Variants in CRELD2 observed in about 807,000 individuals in gnomAD.
CRELD2 encodes the protein CRELD disulfide isomerase 2.
CRELD2 carries 33 observed loss-of-function variants against 48.1 expected under a neutral mutation model. The ratio of observed to expected loss-of-function variants is 0.69; its 90% confidence interval spans 0.52 to 0.92. The LOEUF (loss-of-function observed/expected upper bound fraction) is 0.92, where lower values mean the gene tolerates loss of function less well. Among genes scored for constraint, CRELD2 ranks in the 40% least tolerant of loss-of-function variants. The pLI is 0.00. For synonymous variants in CRELD2, 220 were observed against 203.9 expected (o/e 1.08, Z -0.67); for missense variants, 477 against 482.4 (o/e 0.99, Z 0.10).
Position 49,920,252 on chromosome 22 carries a change from G to C in CRELD2, c.415+5G>C, listed in dbSNP as rs372572017. The C allele has an allele frequency of 6.3e-7, 1 of 1,595,568 alleles. No homozygotes were observed. Among genetic ancestry groups the C allele is most frequent in the Admixed American group, 1.7e-5 (1 of 59,440 alleles). On this transcript the variant is annotated splice_donor_5th_base_variant and intron_variant, in intron 4 of 9. Coordinates refer to ENST00000328268, the MANE Select transcript of CRELD2 (RefSeq NM_024324.5). The stretch of plus-strand genomic sequence containing the variant: ...CCTACGGTCCCGACTGTCTCGGTGC[G>C]TTTCTCCTCAGGGAAATCCCATCTC...
intron 5 of CRELD2, 62 bp from the exon 6 acceptor site, chr22:49,922,550 C>T: frequency 6.7e-7 from 1 of 1,483,900 alleles, no homozygotes; most frequent in Non-Finnish European, 9.1e-7. Flanking sequence ...TTTAAACGAG[C>T]CTTGTCCCCA....
At position 49,923,221 on chromosome 22, in the gene CRELD2, C is replaced by T. The variant is rs747457422; in HGVS notation, c.689-13C>T. 12 of 1,559,828 alleles carry T rather than the reference C, an allele frequency of 7.7e-6. No homozygotes were observed. Among genetic ancestry groups the T allele is most frequent in the South Asian group, 1.2e-5 (1 of 80,720 alleles). On this transcript the variant is annotated splice_polypyrimidine_tract_variant and intron_variant, in intron 6 of 9. Transcript: ENST00000328268. ...TGTCCTGGGCCGCTCACAGCTGTGCCGCTCTGTTCCAGATGTGGACGAGTG... is the reference window on the plus strand; with the variant it reads ...TGTCCTGGGCCGCTCACAGCTGTGCTGCTCTGTTCCAGATGTGGACGAGTG...
Position 49,921,566 on chromosome 22 carries a change from G to C in CRELD2, c.416-19G>C. 6.2e-7 allele frequency: 1 copy of C among 1,608,502 alleles called. No individual in the cohort carries two copies. The highest frequency in any genetic ancestry group is 8.5e-7 in the Non-Finnish European group (1 of 1,177,146). On this transcript the variant is annotated intron_variant, in intron 4 of 9. Coordinates refer to ENST00000328268, the MANE Select transcript of CRELD2 (RefSeq NM_024324.5). ...TCACCACCAGGTGTGCTCTGAGCATGGTTTTGTGTCCCCTAAAGCATGCCA... is the reference window on the plus strand; with the variant it reads ...TCACCACCAGGTGTGCTCTGAGCATCGTTTTGTGTCCCCTAAAGCATGCCA...
At chr22:49,918,993 C>A in intron 1 of CRELD2, 95 bp downstream of exon 1, 1 of 1,107,730 alleles carries the variant, frequency 9.0e-7, no homozygotes, top group Non-Finnish European at 1.2e-6. Flanking sequence ...GGGTCGCCCT[C>A]ACCCTGGATC....
intron 1 of CRELD2, 139 bp downstream of exon 1, chr22:49,919,037 C>G: frequency 1.1e-6 from 1 of 872,396 alleles, no homozygotes; most frequent in Non-Finnish European, 1.7e-6. Flanking sequence ...CGGGATCCCC[C>G]TCACCGTCGA....
intron 6 of CRELD2, among the ~76,000 whole-genome samples, chr22:49,922,909 A>G (rs1371531554): frequency 0.17 from 3,374 of 20,236 alleles, 466 homozygotes; most frequent in African/African-American, 0.45. Context: ...GTGGGGCGTG[A>G]GGTGTGGGGG....
intron 9 of CRELD2, 70 bp from the exon 10 acceptor site, chr22:49,927,184 GT>G (rs2060776987): frequency 1.5e-6 from 2 of 1,378,998 alleles, no homozygotes; most frequent in Admixed American, 3.4e-5. Context: ...ATGCGCTGCT[GT>G]CCTGGGAAAG....
At chr22:49,923,178 C>T in intron 6 of CRELD2, 56 bp from the exon 7 acceptor site, 1 of 1,409,792 alleles carries the variant, frequency 7.1e-7, no homozygotes, top group South Asian at 1.4e-5. Flanking sequence ...TCGGTCCTTC[C>T]CCGCTCCCTG....
At chr22:49,925,883 CCGG>C in intron 9 of CRELD2, 1 of 541,258 alleles carries the variant, frequency 1.8e-6, no homozygotes, top group Non-Finnish European at 2.7e-6. Context: ...GAAAAGTCAT[CCGG>C]GGAAGCTGCC....
At chr22:49,923,771 T>C (rs2060728551) in intron 7 of CRELD2, 1 of 280,660 alleles carries the variant, frequency 3.6e-6, no homozygotes, top group Admixed American at 5.1e-5. Context: ...ACTTATAAAC[T>C]GTGAACACTT....
Position 49,927,358 on chromosome 22 carries a change from G to GTGGC in CRELD2, c.*52_*55dup. ...TTCAGAAGGATGTCCCGTGGAAAAT[G>GTGGC]TGGCCCTGAGGATGCCGTCTCCTGC... On this transcript the variant is annotated 3_prime_UTR_variant, in exon 10 of 10. Coordinates refer to ENST00000328268, the MANE Select transcript of CRELD2 (RefSeq NM_024324.5). The GTGGC allele has an allele frequency of 6.5e-7, 1 of 1,530,532 alleles. No homozygotes were observed. The highest frequency in any genetic ancestry group is 1.1e-5 in the South Asian group (1 of 89,208). 94.8% of individuals were successfully genotyped at this position (1,530,532 alleles called of 1,614,324 possible). A position where few individuals can be genotyped will look rare whatever the true frequency, so the allele number is the denominator to read the frequency against.
At chr22:49,927,067 G>A (rs1001651023) in intron 9 of CRELD2, among the ~76,000 whole-genome samples, 188 bp from the exon 10 acceptor site, 14 of 150,452 alleles carry the variant, frequency 9.3e-5, no homozygotes, top group South Asian at 2.1e-4. Flanking sequence ...CTGAAATGCC[G>A]TCTGCCTCAT....
Position 49,918,757 on chromosome 22 carries a change from A to C in CRELD2, c.-13A>C. ...TGGAGCTCCGGCTGCGTCTTCCCGCAGCGCTACCCGCCATGCGCCTGCCGC... is the reference window on the plus strand; with the variant it reads ...TGGAGCTCCGGCTGCGTCTTCCCGCCGCGCTACCCGCCATGCGCCTGCCGC... On this transcript the variant is annotated 5_prime_UTR_variant, in exon 1 of 10. Coordinates refer to ENST00000328268, the MANE Select transcript of CRELD2 (RefSeq NM_024324.5). 7.4e-6 allele frequency: 8 copies of C among 1,075,210 alleles called. No homozygotes were observed. Among genetic ancestry groups the C allele is most frequent in the Non-Finnish European group, 8.4e-6 (7 of 831,102 alleles). The allele number at this position is 1,075,210 out of a possible 1,614,324, so 66.6% of individuals were successfully genotyped here. A position where few individuals can be genotyped will look rare whatever the true frequency, so the allele number is the denominator to read the frequency against.
At chr22:49,919,435 G>C in intron 2 of CRELD2, 123 bp downstream of exon 2, 2 of 869,906 alleles carry the variant, frequency 2.3e-6, no homozygotes, top group Admixed American at 4.3e-5. Context: ...CCAGTCACCC[G>C]TCCGAGTCAC....
At position 49,925,538 on chromosome 22, in the gene CRELD2, T is replaced by C. The variant is rs749861962; in HGVS notation, c.990T>C (p.Cys330=). The C allele has an allele frequency of 6.2e-7, 1 of 1,613,814 alleles. No individual in the cohort carries two copies. The highest frequency in any genetic ancestry group is 1.1e-5 in the South Asian group (1 of 91,088). ...GCTTCGAAGAAACGGAAGATGCCTG[T>C]GTGCCGCCGGCAGAGGCTGGTGAGT... ...PDGFEETEDA[C]VPPAEAEATE... Residue 330 remains cysteine (C), a synonymous_variant, in exon 9 of 10, where the codon TGT becomes TGC. Transcript: ENST00000328268.
intron 7 of CRELD2, 104 bp from the exon 8 acceptor site, chr22:49,924,256 A>G (rs2060733944): frequency 2.7e-6 from 2 of 732,000 alleles, no homozygotes; most frequent in South Asian, 3.5e-5. Context: ...ATGAATGAGG[A>G]GAAAACCCAA....
At position 49,926,742 on chromosome 22, in the gene CRELD2, C is replaced by T. The variant is rs868554070; in HGVS notation, c.1010-513C>T. Among the ~76,000 whole-genome samples, 7 of 2,398 alleles carry T rather than the reference C, an allele frequency of 2.9e-3. 2 individuals are homozygous for T. The highest frequency in any genetic ancestry group is 9.3e-3 in the Admixed American group (3 of 322). 1.6% of individuals were successfully genotyped at this position (2,398 alleles called of 152,430 possible). ...CTCTTGCCCCTCCCTCCCCCCACCC[C>T]GGGTCCCCTCTTGCCCCTCCCTCCC... On this transcript the variant is annotated intron_variant, in intron 9 of 9. Transcript: ENST00000328268.
rs200857048 is a variant in CRELD2 at position 49,922,368 on chromosome 22, G to A, written c.593-244G>A. The A allele has an allele frequency of 3.7e-5, 59 of 1,610,962 alleles. No individual in the cohort carries two copies. In the Middle Eastern group the frequency reaches 6.6e-4, roughly 18 times the overall value. On this transcript the variant is annotated intron_variant, in intron 5 of 9. Coordinates refer to ENST00000328268, the MANE Select transcript of CRELD2 (RefSeq NM_024324.5). ...TGGATGTTGGCGTGGCGTGGGCCAC[G>A]CATGGATCCGTGGCCGGAACACGCA...
Position 49,920,265 on chromosome 22 carries a change from G to A in CRELD2, c.415+18G>A, listed in dbSNP as rs764121862. On this transcript the variant is annotated intron_variant, in intron 4 of 9. Coordinates refer to ENST00000328268, the MANE Select transcript of CRELD2 (RefSeq NM_024324.5). ...CTGTCTCGGTGCGTTTCTCCTCAGG[G>A]AAATCCCATCTCCTACGTCACTTCC... 1.3e-6 allele frequency: 2 copies of A among 1,545,342 alleles called. No homozygotes were observed. Among genetic ancestry groups the A allele is most frequent in the Non-Finnish European group, 1.8e-6 (2 of 1,120,742 alleles).
Sources: allele counts gnomAD v4.1 joint callset (sites outside exome capture counted in the v4.1 genomes callset), GRCh38; gene constraint gnomAD v4.1.1; transcripts MANE v1.5; gene names NCBI Gene and HGNC (gene_info 2026-07-23, HGNC 2026-07-21).